MAN1C1: variants seen among roughly 807,000 people sequenced by gnomAD.
MAN1C1 encodes mannosyl-oligosaccharide 1,2-alpha-mannosidase IC.
A neutral mutation model predicts 71.5 loss-of-function variants in MAN1C1; 49 were observed. The observed-to-expected ratio is 0.69, with a 90% CI of 0.54 to 0.87. MAN1C1 has a LOEUF of 0.87. Ranked by LOEUF, MAN1C1 falls within the 40% of genes least tolerant of loss-of-function variation. The pLI is 0.00. For synonymous variants in MAN1C1, 352 were observed against 343.7 expected, an observed-to-expected ratio of 1.02 and a Z score of -0.27; for missense variants, 743 against 835.0, an observed-to-expected ratio of 0.89 and a Z score of 1.36.
At chr1:25,759,746 ATGGTTTGGGACCAC>A (rs2047336774) in intron 6 of MAN1C1, 3 of 152,126 alleles carry the variant, frequency 2.0e-5, no homozygotes, top group Non-Finnish European at 4.4e-5. Flanking sequence ...TTTTTGACGC[ATGGTTTGGGACCAC>A]TACTTACTCA....
At chr1:25,743,401 C>T (rs1465421154) in intron 2 of MAN1C1, among the ~76,000 whole-genome samples, 1 of 152,214 alleles carries the variant, frequency 6.6e-6, no homozygotes, top group Non-Finnish European at 1.5e-5. Flanking sequence ...TGTGTCTTTC[C>T]TCCTGGGGAG....
chr1:25,722,492 T>G (rs1482552119), intron 2 of MAN1C1, among the ~76,000 whole-genome samples: 1 of 152,232 alleles, frequency 6.6e-6, no homozygotes, highest in Non-Finnish European at 1.5e-5. Flanking sequence ...TTTCCTCAAG[T>G]TTGTCTTCCA....
chr1:25,775,348 A>G lies in MAN1C1; in HGVS notation c.1258-2757A>G, dbSNP rs978995895. Among the ~76,000 whole-genome samples the G allele has an allele frequency of 6.6e-6, 1 of 152,210 alleles. No homozygotes were observed. Among genetic ancestry groups the G allele is most frequent in the African/African-American group, 2.4e-5 (1 of 41,458 alleles). ...CCCCATGTGGAGCAGGTGCCCTGGC[A>G]TGTCACATTGTCAGCGCTTTTCCAT... On this transcript the variant is annotated intron_variant, in intron 8 of 11. Coordinates refer to ENST00000374332, the MANE Select transcript of MAN1C1 (RefSeq NM_020379.4). The surrounding 1 kb of genome is among the most constrained non-coding windows in gnomAD (Gnocchi z 5.1).
intron 1 of MAN1C1, among the ~76,000 whole-genome samples, chr1:25,684,723 C>T (rs953208087): frequency 6.6e-6 from 1 of 152,208 alleles, no homozygotes. Context: ...AGTGGCCGAG[C>T]ATGGAGAATA....
At chr1:25,733,218 C>T (rs908549403) in intron 2 of MAN1C1, among the ~76,000 whole-genome samples, 2 of 152,152 alleles carry the variant, frequency 1.3e-5, no homozygotes, top group African/African-American at 2.4e-5. Context: ...CCTCCTCATC[C>T]GTAAGTGCCT....
chr1:25,713,203 C>T (rs2046636899), intron 2 of MAN1C1, among the ~76,000 whole-genome samples: 1 of 150,310 alleles, frequency 6.7e-6, no homozygotes, highest in Non-Finnish European at 1.5e-5. Context: ...CAGTCCAGTG[C>T]TCTTTCTACT....
intron 1 of MAN1C1, among the ~76,000 whole-genome samples, chr1:25,618,637 G>A (rs961936074): frequency 1.3e-5 from 2 of 151,964 alleles, no homozygotes; most frequent in Non-Finnish European, 2.9e-5. Flanking sequence ...CCAACCCCCA[G>A]GCCCAGTGAG....
intron 1 of MAN1C1, among the ~76,000 whole-genome samples, chr1:25,666,798 A>G (rs1487216739): frequency 6.6e-6 from 1 of 152,218 alleles, no homozygotes; most frequent in Admixed American, 6.5e-5. Flanking sequence ...CCTGTCTCTG[A>G]GATTTTGAAA....
At chr1:25,777,949 C>T (rs928521516) in intron 8 of MAN1C1, among the ~76,000 whole-genome samples, 156 bp from the exon 9 acceptor site, 2 of 152,126 alleles carry the variant, frequency 1.3e-5, no homozygotes, top group African/African-American at 4.8e-5. Context: ...GGCATCTTGA[C>T]CAGCAGAGAT....
Position 25,738,163 on chromosome 1 carries a change from A to G in MAN1C1, c.638-8505A>G, listed in dbSNP as rs566439271. 2.0e-5 allele frequency among the ~76,000 whole-genome samples: 3 copies of G among 152,330 alleles called. No homozygotes were observed. In the East Asian group the frequency reaches 5.8e-4, roughly 29 times the overall value. ...AATATCTTTCCTTCCAGAGGCTTCAAGAAACCTTTGCCTGGAAATATTCAG... is the reference window on the plus strand; with the variant it reads ...AATATCTTTCCTTCCAGAGGCTTCAGGAAACCTTTGCCTGGAAATATTCAG... On this transcript the variant is annotated intron_variant, in intron 2 of 11. Coordinates refer to ENST00000374332, the MANE Select transcript of MAN1C1 (RefSeq NM_020379.4).
intron 5 of MAN1C1, among the ~76,000 whole-genome samples, chr1:25,754,454 C>G (rs116075363): frequency 0.019 from 2,934 of 152,232 alleles, 100 homozygotes; most frequent in African/African-American, 0.066. Flanking sequence ...TTGGCATGTT[C>G]AGCATCTTCG....
intron 2 of MAN1C1, among the ~76,000 whole-genome samples, chr1:25,731,329 C>T (rs2046907082): frequency 7.0e-6 from 1 of 143,658 alleles, no homozygotes; most frequent in African/African-American, 2.9e-5. Context: ...CAATAATCAT[C>T]ATCATCGTCA....
intron 2 of MAN1C1, among the ~76,000 whole-genome samples, chr1:25,720,293 C>G (rs1415139004): frequency 6.6e-6 from 1 of 151,606 alleles, no homozygotes; most frequent in Non-Finnish European, 1.5e-5. Context: ...CTCACTGCAA[C>G]CTCCACCTCC....
At position 25,725,766 on chromosome 1, in the gene MAN1C1, G is replaced by A. The variant is rs532199976; in HGVS notation, c.638-20902G>A. On this transcript the variant is annotated intron_variant, in intron 2 of 11. Coordinates refer to ENST00000374332, the MANE Select transcript of MAN1C1 (RefSeq NM_020379.4). The surrounding 1 kb of genome is among the most constrained non-coding windows in gnomAD (Gnocchi z 4.8). ...GTTTGTTTTAATGGAAGTCGAAGGC[G>A]TGTGGCATTTGAGGGAGACTGCGCC... Among the ~76,000 whole-genome samples the A allele has an allele frequency of 2.0e-5, 3 of 152,368 alleles. No homozygotes were observed. Among genetic ancestry groups the A allele is most frequent in the East Asian group, 1.9e-4 (1 of 5,192 alleles).
chr1:25,632,473 A>G (rs2045396479), intron 1 of MAN1C1, among the ~76,000 whole-genome samples: 1 of 151,214 alleles, frequency 6.6e-6, no homozygotes, highest in Non-Finnish European at 1.5e-5. Context: ...CATCTTTTGT[A>G]TTTTTTTATG....
chr1:25,734,549 A>C (rs1420418381), intron 2 of MAN1C1, among the ~76,000 whole-genome samples: 1 of 152,240 alleles, frequency 6.6e-6, no homozygotes, highest in African/African-American at 2.4e-5. Context: ...ACATTCCACA[A>C]GAAGCTTTTG....
At chr1:25,713,003 C>T (rs2046634392) in intron 2 of MAN1C1, among the ~76,000 whole-genome samples, 1 of 152,194 alleles carries the variant, frequency 6.6e-6, no homozygotes, top group Non-Finnish European at 1.5e-5. Flanking sequence ...ATGCAGTTGT[C>T]CAATATTTTA....
chr1:25,765,064 C>T (rs889233860), intron 7 of MAN1C1, among the ~76,000 whole-genome samples: 7 of 152,048 alleles, frequency 4.6e-5, no homozygotes, highest in Admixed American at 1.3e-4. Context: ...AAACAAAAGA[C>T]GTCATGAATT....
intron 2 of MAN1C1, among the ~76,000 whole-genome samples, chr1:25,695,612 C>G (rs1258993145): frequency 6.6e-6 from 1 of 151,070 alleles, no homozygotes; most frequent in Admixed American, 6.6e-5. Context: ...CGACCACTCA[C>G]CGCTCCACAC....
Sources: gnomAD v4.1 joint callset for allele counts (sites outside exome capture counted in the v4.1 genomes callset) on GRCh38, gnomAD v4.1.1 for gene constraint, Gnocchi (gnomAD v3.1) non-coding constraint, MANE v1.5 for transcripts, NCBI Gene and HGNC (gene_info 2026-07-23, HGNC 2026-07-21) for gene names.